Variants in NF1 observed in about 807,000 individuals in gnomAD.
The protein encoded by NF1 is neurofibromin.
Under a neutral mutation model 325.7 loss-of-function variants are expected in NF1, and 122 were observed. That is an observed-to-expected ratio of 0.37 (90% CI 0.32 to 0.44). The LOEUF (loss-of-function observed/expected upper bound fraction) is 0.44, where lower values mean the gene tolerates loss of function less well. NF1 is among the 20% of genes least tolerant of loss of function. The probability of loss-of-function intolerance (pLI) is 1.00; values close to 1 mark genes in which losing one functional copy is unlikely to be tolerated. For missense variants in NF1, 2,140 were observed against 3,415.4 expected (o/e 0.63, Z 9.31); for synonymous variants, 1,091 against 1,186.0 (o/e 0.92, Z 1.65).
chr17:31,135,486 G>C (rs1915698309), intron 1 of NF1, among the ~76,000 whole-genome samples: 2 of 152,174 alleles, frequency 1.3e-5, no homozygotes, highest in South Asian at 2.1e-4. Context: ...TCTGCCTGGA[G>C]AGTTTAGTTC....
intron 17 of NF1, among the ~76,000 whole-genome samples, chr17:31,226,207 C>T (rs539239140): frequency 6.6e-6 from 1 of 152,012 alleles, no homozygotes; most frequent in Admixed American, 6.6e-5. Context: ...CAGATGGTAG[C>T]ATTATGTTGG....
At chr17:31,274,980 C>G (rs1335352609) in intron 36 of NF1, among the ~76,000 whole-genome samples, 1 of 152,162 alleles carries the variant, frequency 6.6e-6, no homozygotes, top group Non-Finnish European at 1.5e-5. Flanking sequence ...CCAAATGTTT[C>G]TCCAACACTG....
chr17:31,256,388 C>G (rs541001160), intron 31 of NF1, among the ~76,000 whole-genome samples: 3 of 152,340 alleles, frequency 2.0e-5, no homozygotes, highest in African/African-American at 7.2e-5. Flanking sequence ...ATCTGCCCGC[C>G]TCGGCCTCCC....
chr17:31,300,737 A>G (rs1336560423), intron 36 of NF1, among the ~76,000 whole-genome samples: 2 of 152,064 alleles, frequency 1.3e-5, no homozygotes, highest in Non-Finnish European at 2.9e-5. Context: ...ATTCCTCTCC[A>G]TTGATTATAC....
chr17:31,360,370 G>A (rs1322693341), intron 56 of NF1, 117 bp from the exon 57 acceptor site: 4 of 845,650 alleles, frequency 4.7e-6, no homozygotes, highest in Non-Finnish European at 7.7e-6. Context: ...TTAATGATAA[G>A]TAATACAAAG....
At chr17:31,287,929 T>G (rs1272625179) in intron 36 of NF1, among the ~76,000 whole-genome samples, 1 of 78,242 alleles carries the variant, frequency 1.3e-5, no homozygotes, top group African/African-American at 5.2e-5. Context: ...TGGGGACTGT[T>G]GTGGGGTGGG....
chr17:31,280,359 A>G (rs536256239), intron 36 of NF1, among the ~76,000 whole-genome samples: 1 of 151,674 alleles, frequency 6.6e-6, no homozygotes, highest in Non-Finnish European at 1.5e-5. Flanking sequence ...CTAAAGATAA[A>G]TTAGCTGGGC....
chr17:31,303,486 G>GAA lies in NF1; in HGVS notation c.4836-22326_4836-22325dup, dbSNP rs367993939. Among the ~76,000 whole-genome samples the GAA allele has an allele frequency of 7.1e-3, 1,075 of 150,682 alleles. 15 individuals carry two copies. The highest frequency in any genetic ancestry group is 0.025 in the African/African-American group (1,034 of 41,116). On this transcript the variant is annotated intron_variant, in intron 36 of 57. Coordinates refer to ENST00000358273, the MANE Select transcript of NF1 (RefSeq NM_001042492.3). The stretch of plus-strand genomic sequence containing the variant: ...CTGTGTTTTGATAGTCTCTTTTCCT[G>GAA]AAAAAAAAATCACCCAAAGTCACCC...
chr17:31,331,047 T>C (rs547430240), intron 39 of NF1: 1 of 152,352 alleles, frequency 6.6e-6, no homozygotes, highest in South Asian at 2.1e-4. Context: ...TCCTATAGTT[T>C]TATAAATGTT....
At chr17:31,260,151 C>A (rs1292612250) in intron 33 of NF1, among the ~76,000 whole-genome samples, 1 of 152,106 alleles carries the variant, frequency 6.6e-6, no homozygotes, top group Non-Finnish European at 1.5e-5. Flanking sequence ...TGTTTAACTT[C>A]AGAGCCTACT....
intron 11 of NF1, among the ~76,000 whole-genome samples, chr17:31,204,782 C>T (rs1019633077): frequency 6.6e-6 from 1 of 151,908 alleles, no homozygotes; most frequent in African/African-American, 2.4e-5. Context: ...TAAGGAAGAC[C>T]CTTCACTCAA....
intron 48 of NF1, 59 bp from the exon 49 acceptor site, chr17:31,349,061 T>C (rs1597858198): frequency 5.2e-6 from 8 of 1,540,634 alleles, no homozygotes; most frequent in African/African-American, 2.7e-5. Flanking sequence ...CCTCAGCAGA[T>C]GCTTGTTCAA....
chr17:31,098,117 A>G (rs576349100), intron 1 of NF1, among the ~76,000 whole-genome samples: 2 of 148,238 alleles, frequency 1.3e-5, no homozygotes, highest in South Asian at 4.2e-4. Flanking sequence ...TATATAGTAT[A>G]TATATAAAAT....
intron 1 of NF1, among the ~76,000 whole-genome samples, chr17:31,108,710 C>T (rs774725182): frequency 3.3e-5 from 5 of 152,078 alleles, no homozygotes; most frequent in East Asian, 1.9e-4. Flanking sequence ...ATCATTTCAG[C>T]GTGATTTATT....
intron 36 of NF1, among the ~76,000 whole-genome samples, chr17:31,315,562 A>G (rs1367177902): frequency 6.6e-5 from 10 of 152,238 alleles, no homozygotes; most frequent in Non-Finnish European, 5.9e-5. Flanking sequence ...TAAAATACAA[A>G]AAATTTTTAA....
Position 31,325,836 on chromosome 17 carries a change from A to G in NF1, c.4852A>G (p.Ile1618Val), listed in dbSNP as rs1208118952. ...TTTCCTTAGGTTCAAAACTGGTCAA[A>G]TCAATGGTGATTTGCTGATATACCA... ...YVARRFKTGQ[I>V]NGDLLIYHVL... The change falls in exon 37 of 58, where the codon ATC becomes GTC. Residue 1618 changes from isoleucine (I) to valine (V), a missense_variant. Coordinates refer to ENST00000358273, the MANE Select transcript of NF1 (RefSeq NM_001042492.3). 1 of 1,614,150 alleles carries G rather than the reference A, an allele frequency of 6.2e-7. No homozygotes were observed. The highest frequency in any genetic ancestry group is 1.1e-5 in the South Asian group (1 of 91,086).
In NF1 at chr17:31,330,572, A is replaced by G. The variant is rs1393951850; in HGVS notation, c.5812+74A>G. On this transcript the variant is annotated intron_variant, in intron 39 of 57. Coordinates refer to ENST00000358273, the MANE Select transcript of NF1 (RefSeq NM_001042492.3). ...TCAAAGAAAACCCTTTCATTTCAGA[A>G]TTTTCCAGTGAAGACTTTCACTTAC... 3.4e-6 allele frequency: 4 copies of G among 1,173,566 alleles called. No homozygotes were observed. In the East Asian group the frequency reaches 9.9e-5, roughly 29 times the overall value. 72.7% of individuals were successfully genotyped at this position (1,173,566 alleles called of 1,614,324 possible).
intron 30 of NF1, chr17:31,250,916 TAAAAACATGAATTAAAG>T: frequency 5.3e-6 from 1 of 189,938 alleles, no homozygotes. Flanking sequence ...TTATTATCTT[TAAAAACATGAATTAAAG>T]GTGGTATCAG....
In NF1 at chr17:31,336,629, T is replaced by G; in HGVS notation, c.6148-6T>G. 1 of 1,606,704 alleles carries G rather than the reference T, an allele frequency of 6.2e-7. No homozygotes were observed. Among genetic ancestry groups the G allele is most frequent in the Non-Finnish European group, 8.5e-7 (1 of 1,176,270 alleles). On this transcript the variant is annotated splice_region_variant and splice_polypyrimidine_tract_variant and intron_variant, in intron 41 of 57. Transcript: ENST00000358273. The surrounding 1 kb of genome is among the most constrained non-coding windows in gnomAD (Gnocchi z 5.5). ...TTTTAAAAAAAAAAATCCTGCTTCTTTACAGGTTATTGGAAGGATGTGCAA... is the reference window on the plus strand; with the variant it reads ...TTTTAAAAAAAAAAATCCTGCTTCTGTACAGGTTATTGGAAGGATGTGCAA...
Sources: gnomAD v4.1 joint callset for allele counts (sites outside exome capture counted in the v4.1 genomes callset) on GRCh38, gnomAD v4.1.1 for gene constraint, Gnocchi (gnomAD v3.1) non-coding constraint, MANE v1.5 for transcripts, NCBI Gene and HGNC (gene_info 2026-07-23, HGNC 2026-07-21) for gene names.